Variants in PYCR1 observed in about 807,000 individuals in gnomAD.
PYCR1 encodes pyrroline-5-carboxylate reductase 1, mitochondrial.
In PYCR1, 19 loss-of-function variants were observed where a neutral mutation model predicts 22.9. That is an observed-to-expected ratio of 0.83 (90% confidence interval 0.58 to 1.22). The LOEUF (loss-of-function observed/expected upper bound fraction) is 1.22, where lower values mean the gene tolerates loss of function less well. Among genes scored for constraint, PYCR1 ranks in the 50% most tolerant of loss-of-function variants. The probability of loss-of-function intolerance (pLI) is 0.00; values close to 1 mark genes in which losing one functional copy is unlikely to be tolerated. For missense variants in PYCR1, 429 were observed against 431.3 expected (o/e 0.99, Z 0.05); for synonymous variants, 175 against 180.5 (o/e 0.97, Z 0.24).
At position 81,933,257 on chromosome 17, in the gene PYCR1, G is replaced by C; in HGVS notation, c.917C>G (p.Thr306Ser). Residue 306 changes from threonine to serine, a missense_variant, in exon 7 of 7, where the codon ACC becomes AGC. Transcript: ENST00000329875. The part of the protein sequence containing the change: ...AGTALSPSGH[T>S]KLLPRSLAPA... ...GGCCAGGCTGCGGGGGAGCAGCTTG[G>C]TGTGGCCAGAAGGTGACAGAGCGGT... is the stretch of plus-strand genomic sequence containing the variant. The C allele has an allele frequency of 6.2e-7, 1 of 1,614,068 alleles. No individual in the cohort carries two copies. The highest frequency in any genetic ancestry group is 1.1e-5 in the South Asian group (1 of 91,084).
chr17:81,937,172 TG>T lies in PYCR1; in HGVS notation c.-359del. The T allele has an allele frequency of 1.4e-6, 2 of 1,468,298 alleles. No individual in the cohort carries two copies. The highest frequency in any genetic ancestry group is 1.8e-6 in the Non-Finnish European group (2 of 1,116,150). The allele number at this position is 1,468,298 out of a possible 1,614,324, so 91.0% of individuals were successfully genotyped here. A position where few individuals can be genotyped will look rare whatever the true frequency, so the allele number is the denominator to read the frequency against. ...TCTGGGTTCCCACCCCGCCCAGAACTGGGCTACCGTCGCGCCCCACCCGGCG... is the reference window on the plus strand; with the variant it reads ...TCTGGGTTCCCACCCCGCCCAGAACTGGCTACCGTCGCGCCCCACCCGGCG... On this transcript the variant is annotated 5_prime_UTR_variant, in exon 1 of 7. An upstream open reading frame in the 5' UTR loses its in-frame stop. Coordinates refer to ENST00000329875, the MANE Select transcript of PYCR1 (RefSeq NM_006907.4).
intron 2 of PYCR1, 122 bp downstream of exon 2, chr17:81,936,001 C>A (rs540393823): frequency 1.8e-6 from 2 of 1,083,082 alleles, no homozygotes; most frequent in African/African-American, 3.1e-5. Flanking sequence ...GAGGTGGGGT[C>A]CATGAGACCC....
rs370360922 is a variant in PYCR1, at chr17:81,933,414, C to T, written c.798-38G>A. ...GGAGAGGTTGGCTTTGGAGCACAAG[C>T]GTGCACCCAGGAAGAGGGAGTGAAG... On this transcript the variant is annotated intron_variant, in intron 6 of 6. Transcript: ENST00000329875. 175 of 1,610,696 alleles carry T rather than the reference C, an allele frequency of 1.1e-4. No homozygotes were observed. In the African/African-American group the frequency reaches 1.7e-3, roughly 16 times the overall value.
Position 81,934,377 on chromosome 17 carries a change from C to A in PYCR1, c.746G>T (p.Gly249Val), listed in dbSNP as rs1279078440. The change falls in exon 6 of 7, where the codon GGC (glycine) becomes GTC (valine). Residue 249 changes from glycine (G) to valine (V), a missense_variant. Physicochemically the swap from Gly to Val is moderately radical, Grantham distance 109. Coordinates refer to ENST00000329875, the MANE Select transcript of PYCR1 (RefSeq NM_006907.4). The stretch of plus-strand genomic sequence containing the variant: ...AGCGTTGATGAGCAGGGAGCGGAAG[C>A]CCCCACTCTCCAGCACATGCAAGGC... ...IHALHVLESG[G>V]FRSLLINAVE... 3.7e-6 allele frequency: 6 copies of A among 1,612,628 alleles called. No homozygotes were observed. In the African/African-American group the frequency reaches 5.3e-5, roughly 14 times the overall value.
chr17:81,934,075 AC>A, intron 6 of PYCR1: 2 of 573,836 alleles, frequency 3.5e-6, no homozygotes, highest in Non-Finnish European at 6.3e-6. Context: ...ACAATGGTGA[AC>A]CTATGTGGGG....
chr17:81,934,518 T>G (rs2041107246), intron 5 of PYCR1, 29 bp from the exon 6 acceptor site: 2 of 1,574,638 alleles, frequency 1.3e-6, no homozygotes, highest in Non-Finnish European at 1.7e-6. Flanking sequence ...CTGACGGCTG[T>G]GGGCACGCAC....
At position 81,934,401 on chromosome 17, in the gene PYCR1, G is replaced by A. The variant is rs770505872; in HGVS notation, c.722C>T (p.Ala241Val). ...GCCCCCACTCTCCAGCACATGCAAG[G>A]CATGGATGGTGGCCCCACCAGGAGA... ...VSSPGGATIH[A>V]LHVLESGGFR... is the part of the protein sequence containing the mutation. Residue 241 changes from alanine (A) to valine (V), a missense_variant, in exon 6 of 7, where the codon GCC becomes GTC. Transcript: ENST00000329875. 4.3e-6 allele frequency: 7 copies of A among 1,612,400 alleles called. No homozygotes were observed. Among genetic ancestry groups the A allele is most frequent in the Non-Finnish European group, 5.9e-6 (7 of 1,179,850 alleles).
In PYCR1 at chr17:81,934,409, G is replaced by A; in HGVS notation, c.714C>T (p.Thr238=). Residue 238 remains threonine, a synonymous_variant, in exon 6 of 7, where the codon ACC becomes ACT. Coordinates refer to ENST00000329875, the MANE Select transcript of PYCR1 (RefSeq NM_006907.4). ...TCTCCAGCACATGCAAGGCATGGAT[G>A]GTGGCCCCACCAGGAGAGCTGACGT... is the stretch of plus-strand genomic sequence containing the variant. ...KDNVSSPGGA[T]IHALHVLESG... is the part of the protein sequence containing the mutation. 6.2e-7 allele frequency: 1 copy of A among 1,612,238 alleles called. No individual in the cohort carries two copies. Among genetic ancestry groups the A allele is most frequent in the Non-Finnish European group, 8.5e-7 (1 of 1,179,784 alleles).
intron 6 of PYCR1, among the ~76,000 whole-genome samples, chr17:81,933,930 G>C (rs112570306): frequency 4.6e-5 from 7 of 152,340 alleles, no homozygotes; most frequent in Non-Finnish European, 7.3e-5. Context: ...ATGTTGCTGC[G>C]TGTCCTACTG....
At position 81,933,115 on chromosome 17, in the gene PYCR1, A is replaced by T. The variant is rs2041034471; in HGVS notation, c.*99T>A. 1 of 1,603,368 alleles carries T rather than the reference A, an allele frequency of 6.2e-7. No individual in the cohort carries two copies. Among genetic ancestry groups the T allele is most frequent in the Admixed American group, 1.7e-5 (1 of 59,782 alleles). On this transcript the variant is annotated 3_prime_UTR_variant, in exon 7 of 7. Coordinates refer to ENST00000329875, the MANE Select transcript of PYCR1 (RefSeq NM_006907.4). The stretch of plus-strand genomic sequence containing the variant: ...ATGTCCCTGGCTGGCCCCTGCGCTG[A>T]TCAGAGCCACAGAAAGTGGGCCACT...
Position 81,934,493 on chromosome 17 carries a change from C to T in PYCR1, c.634-4G>A, listed in dbSNP as rs1204679144. 6.3e-7 allele frequency: 1 copy of T among 1,597,408 alleles called. No homozygotes were observed. The highest frequency in any genetic ancestry group is 1.1e-5 in the South Asian group (1 of 88,414). On this transcript the variant is annotated splice_region_variant and splice_polypyrimidine_tract_variant and intron_variant, in intron 5 of 6. Transcript: ENST00000329875. ...GCAGCAGCATCTTGGCAGCCCCCTGCAGCCAGAAGAAAGGCTGACGGCTGT... is the reference window on the plus strand; with the variant it reads ...GCAGCAGCATCTTGGCAGCCCCCTGTAGCCAGAAGAAAGGCTGACGGCTGT...
chr17:81,934,285 A>G (rs1299653504), intron 6 of PYCR1, 41 bp downstream of exon 6: 1 of 1,610,364 alleles, frequency 6.2e-7, no homozygotes, highest in Non-Finnish European at 8.5e-7. Flanking sequence ...TCTGCCATGC[A>G]AGGACTGGAG....
chr17:81,934,749 T>C lies in PYCR1; in HGVS notation c.541-4A>G. The C allele has an allele frequency of 6.4e-7, 1 of 1,552,796 alleles. No individual in the cohort carries two copies. The highest frequency in any genetic ancestry group is 2.4e-5 in the East Asian group (1 of 41,068). The stretch of plus-strand genomic sequence containing the variant: ...GGGCATCCAGGGCTGTGAATGCCTG[T>C]GGGGAGAAGGCACCCTGAGCCTCTC... On this transcript the variant is annotated splice_region_variant and splice_polypyrimidine_tract_variant and intron_variant, in intron 4 of 6. Coordinates refer to ENST00000329875, the MANE Select transcript of PYCR1 (RefSeq NM_006907.4).
chr17:81,934,944 A>C lies in PYCR1; in HGVS notation c.522T>G (p.Ser174Arg). 1 of 1,609,428 alleles carries C rather than the reference A, an allele frequency of 6.2e-7. No homozygotes were observed. Among genetic ancestry groups the C allele is most frequent in the Admixed American group, 1.7e-5 (1 of 60,016 alleles). The part of the protein sequence containing the change: ...EDLIDAVTGL[S>R]GSGPAYAFTA... ...TCCTTACGTAGGCGGGGCCGCTGCC[A>C]CTGAGCCCCGTGACGGCATCAATCA... Residue 174 changes from serine to arginine, a missense_variant, in exon 4 of 7, where the codon AGT (serine) becomes AGG (arginine). Transcript: ENST00000329875.
At position 81,932,924 on chromosome 17, in the gene PYCR1, G is replaced by A. The variant is rs1327170167; in HGVS notation, c.*290C>T. 5.0e-6 allele frequency: 8 copies of A among 1,612,032 alleles called. No individual in the cohort carries two copies. In the East Asian group the frequency reaches 1.3e-4, roughly 27 times the overall value. ...AGCTGATACTGGAGTAGGAGTGGGT[G>A]AAGACCCTCCGGGCTCCCGAGCTCT... is the stretch of plus-strand genomic sequence containing the variant. On this transcript the variant is annotated 3_prime_UTR_variant, in exon 7 of 7. Transcript: ENST00000329875.
rs535323250 is a variant in PYCR1 at position 81,933,926 on chromosome 17, C to T, written c.797+400G>A. On this transcript the variant is annotated intron_variant, in intron 6 of 6. Transcript: ENST00000329875. ...GAATTTTCCTTGTGCCTGGATGTTG[C>T]TGCGTGTCCTACTGGTCTAACTTAA... 2.0e-5 allele frequency among the ~76,000 whole-genome samples: 3 copies of T among 152,358 alleles called. No homozygotes were observed. In the East Asian group the frequency reaches 5.8e-4, roughly 29 times the overall value.
rs1011589632 is a variant in PYCR1, at chr17:81,937,257, C to T, written c.-443G>A. 1.4e-4 allele frequency: 191 copies of T among 1,335,568 alleles called. No individual in the cohort carries two copies. Among genetic ancestry groups the T allele is most frequent in the Middle Eastern group, 2.3e-4 (1 of 4,380 alleles). 82.7% of individuals were successfully genotyped at this position (1,335,568 alleles called of 1,614,324 possible). On this transcript the variant is annotated 5_prime_UTR_variant, in exon 1 of 7. Coordinates refer to ENST00000329875, the MANE Select transcript of PYCR1 (RefSeq NM_006907.4). ...ACCCAGCTACCGTGCGCGGGTCGTA[C>T]CCACCCCTCAGCGCTGCGGCCGCCA...
intron 2 of PYCR1, among the ~76,000 whole-genome samples, chr17:81,935,755 C>T (rs552371440): frequency 6.9e-4 from 105 of 152,356 alleles, no homozygotes; most frequent in Middle Eastern, 6.8e-3. Flanking sequence ...TGCCACCAAT[C>T]TGCCCCCAGC....
intron 3 of PYCR1, 41 bp downstream of exon 3, chr17:81,935,296 A>G (rs765376371): frequency 1.9e-6 from 3 of 1,608,064 alleles, no homozygotes; most frequent in Non-Finnish European, 2.5e-6. Context: ...CCCGGGCTCT[A>G]GACAGCCCCT....
Sources: gnomAD v4.1 joint callset for allele counts (sites outside exome capture counted in the v4.1 genomes callset) on GRCh38, gnomAD v4.1.1 for gene constraint, MANE v1.5 for transcripts, NCBI Gene and HGNC (gene_info 2026-07-23, HGNC 2026-07-21) for gene names.